Variants in GRK2 observed in about 807,000 individuals in gnomAD.
GRK2 encodes G protein-coupled receptor kinase 2.
In GRK2, 23 loss-of-function variants were observed where a neutral mutation model predicts 97.8. The ratio of observed to expected loss-of-function variants is 0.24; its 90% CI spans 0.17 to 0.33. The LOEUF (loss-of-function observed/expected upper bound fraction) is 0.33, where lower values mean the gene tolerates loss of function less well. GRK2 is among the 10% of genes least tolerant of loss of function. GRK2 has a pLI of 1.00. For missense variants in GRK2, 633 were observed against 956.9 expected (o/e 0.66, Z 4.47); for synonymous variants, 425 against 381.7 (o/e 1.11, Z -1.32).
rs372066211 is a variant in GRK2, at chr11:67,269,046, C to T, written c.113+2234C>T. On this transcript the variant is annotated intron_variant, in intron 1 of 20. Coordinates refer to ENST00000308595, the MANE Select transcript of GRK2 (RefSeq NM_001619.5). This position sits in a 1 kb window ranked among gnomAD's most constrained non-coding sequence, Gnocchi z 4.1. ...TGAAACGGACTGGAGGTGCGAGCGCCGAATGTCAGTGCGCTAAGGCCTGGG... is the reference window on the plus strand; with the variant it reads ...TGAAACGGACTGGAGGTGCGAGCGCTGAATGTCAGTGCGCTAAGGCCTGGG... Among the ~76,000 whole-genome samples the T allele has an allele frequency of 5.7e-4, 87 of 152,340 alleles. No individual in the cohort carries two copies. Among genetic ancestry groups the T allele is most frequent in the African/African-American group, 1.9e-3 (81 of 41,570 alleles).
chr11:67,280,077 T>G (rs1860117171), intron 6 of GRK2, 177 bp downstream of exon 6: 1 of 647,482 alleles, frequency 1.5e-6, no homozygotes, highest in South Asian at 1.8e-5. Flanking sequence ...GCAGGTCATC[T>G]CCCACCCTGC....
In GRK2 at chr11:67,281,994, T is replaced by G; in HGVS notation, c.957+42T>G. ...TCCCCAGGCTGGACCTCCGTGGCTGTCCTCTCCTTCCTCTCGACATCCCGG... is the reference window on the plus strand; with the variant it reads ...TCCCCAGGCTGGACCTCCGTGGCTGGCCTCTCCTTCCTCTCGACATCCCGG... On this transcript the variant is annotated intron_variant, in intron 11 of 20. Transcript: ENST00000308595. This position sits in a 1 kb window ranked among gnomAD's most constrained non-coding sequence, Gnocchi z 5.7. 6.2e-7 allele frequency: 1 copy of G among 1,609,216 alleles called. No homozygotes were observed. The highest frequency in any genetic ancestry group is 1.3e-5 in the African/African-American group (1 of 74,956).
Position 67,286,270 on chromosome 11 carries a change from TG to T in GRK2, c.*824del. On this transcript the variant is annotated 3_prime_UTR_variant, in exon 21 of 21. Coordinates refer to ENST00000308595, the MANE Select transcript of GRK2 (RefSeq NM_001619.5). Reference sequence around the variant, plus strand: ...CGGGCAGCACAGCAAGGAGGCTGGCTGGGGCCTATCAGTGTGCCCCCCATCC... The same window carrying T: ...CGGGCAGCACAGCAAGGAGGCTGGCTGGGCCTATCAGTGTGCCCCCCATCC... The T allele has an allele frequency of 1.6e-6, 1 of 620,622 alleles. No individual in the cohort carries two copies. Among genetic ancestry groups the T allele is most frequent in the Non-Finnish European group, 2.9e-6 (1 of 347,028 alleles). The allele number at this position is 620,622 out of a possible 1,614,324, so 38.4% of individuals were successfully genotyped here. A position where few individuals can be genotyped will look rare whatever the true frequency, so the allele number is the denominator to read the frequency against.
rs758487963 is a variant in GRK2, at chr11:67,286,430, G to A, written c.*980G>A. 3.7e-5 allele frequency: 26 copies of A among 698,840 alleles called. 1 individual carries two copies. The Middle Eastern group carries it at 6.9e-4, about 19-fold the overall frequency. 43.3% of individuals were successfully genotyped at this position (698,840 alleles called of 1,614,324 possible). ...TGTGGTGTCGCGCCTTCTCCCCCCC[G>A]GGGCTGGGTTGGCGCACCCTCCCCT... On this transcript the variant is annotated 3_prime_UTR_variant, in exon 21 of 21. Coordinates refer to ENST00000308595, the MANE Select transcript of GRK2 (RefSeq NM_001619.5).
Position 67,281,391 on chromosome 11 carries a change from C to CG in GRK2, c.648-67dup. On this transcript the variant is annotated intron_variant, in intron 8 of 20. Coordinates refer to ENST00000308595, the MANE Select transcript of GRK2 (RefSeq NM_001619.5). This position sits in a 1 kb window ranked among gnomAD's most constrained non-coding sequence, Gnocchi z 5.7. ...TCCTGGGTCTAGTCTTTCCCTCAAG[C>CG]GCCCCCTGAGGCAGCCCTGGGCCCC... 2.8e-6 allele frequency: 4 copies of CG among 1,430,446 alleles called. No individual in the cohort carries two copies. The highest frequency in any genetic ancestry group is 3.9e-6 in the Non-Finnish European group (4 of 1,019,392). 88.6% of individuals were successfully genotyped at this position (1,430,446 alleles called of 1,614,324 possible).
At position 67,285,896 on chromosome 11, in the gene GRK2, C is replaced by T; in HGVS notation, c.*446C>T. On this transcript the variant is annotated 3_prime_UTR_variant, in exon 21 of 21. Coordinates refer to ENST00000308595, the MANE Select transcript of GRK2 (RefSeq NM_001619.5). Reference sequence around the variant, plus strand: ...TGCAGAGGGGCAGGCCCTGCACTGTCCTGCTCCACAGTGTTGGCGAGAGGA... The same window carrying T: ...TGCAGAGGGGCAGGCCCTGCACTGTTCTGCTCCACAGTGTTGGCGAGAGGA... 4.2e-6 allele frequency: 1 copy of T among 236,480 alleles called. No individual in the cohort carries two copies. Among genetic ancestry groups the T allele is most frequent in the Non-Finnish European group, 8.3e-6 (1 of 120,180 alleles). 14.6% of individuals were successfully genotyped at this position (236,480 alleles called of 1,614,324 possible).
rs956154597 is a variant in GRK2, at chr11:67,283,836, A to G, written c.1396-18A>G. ...CCCCACCCCCGAGCTAATGCCCATGACCCCTGTTCTGCTGCAGTACCCTCC... is the reference window on the plus strand; with the variant it reads ...CCCCACCCCCGAGCTAATGCCCATGGCCCCTGTTCTGCTGCAGTACCCTCC... On this transcript the variant is annotated intron_variant, in intron 16 of 20. Coordinates refer to ENST00000308595, the MANE Select transcript of GRK2 (RefSeq NM_001619.5). The G allele has an allele frequency of 1.2e-6, 2 of 1,612,184 alleles. No homozygotes were observed. Among genetic ancestry groups the G allele is most frequent in the Non-Finnish European group, 8.5e-7 (1 of 1,179,270 alleles).
At chr11:67,277,186 C>A in intron 1 of GRK2, 86 bp from the exon 2 acceptor site, 1 of 1,342,876 alleles carries the variant, frequency 7.4e-7, no homozygotes, top group Non-Finnish European at 1.1e-6. Context: ...GGCGACACCA[C>A]CACAGTGCCC....
Position 67,285,408 on chromosome 11 carries a change from C to T in GRK2, c.2028C>T (p.Ser676=). The part of the protein sequence containing the change: ...NKPRSPVVEL[S]KVPLVQRGSA... ...CGCGCTCGCCCGTGGTGGAGCTGAG[C>T]AAGGTGCCGCTGGTCCAGCGCGGCA... The change falls in exon 21 of 21, where the codon AGC becomes AGT. Residue 676 remains serine, a synonymous_variant. Coordinates refer to ENST00000308595, the MANE Select transcript of GRK2 (RefSeq NM_001619.5). The T allele has an allele frequency of 6.2e-7, 1 of 1,603,746 alleles. No individual in the cohort carries two copies. Among genetic ancestry groups the T allele is most frequent in the Middle Eastern group, 1.9e-4 (1 of 5,228 alleles).
In GRK2 at chr11:67,284,829, C is replaced by T. The variant is rs1236203026; in HGVS notation, c.1655-18C>T. 2 of 1,610,754 alleles carry T rather than the reference C, an allele frequency of 1.2e-6. No homozygotes were observed. The highest frequency in any genetic ancestry group is 1.7e-6 in the Non-Finnish European group (2 of 1,179,318). ...ACCCAGGTGGGGCCGGCTGAGTCTC[C>T]TCTGTCTCTCGCCTCAGACTACGCC... On this transcript the variant is annotated intron_variant, in intron 18 of 20. Transcript: ENST00000308595.
rs926039367 is a variant in GRK2, at chr11:67,283,514, T to C, written c.1329-193T>C. On this transcript the variant is annotated intron_variant, in intron 15 of 20. Coordinates refer to ENST00000308595, the MANE Select transcript of GRK2 (RefSeq NM_001619.5). ...CATTTATTAAGCACTGGGCATAGGG[T>C]TGCAAAATTTACCAGTGTTAAAACC... 1.0e-4 allele frequency: 66 copies of C among 631,860 alleles called. 4 individuals carry two copies. Among genetic ancestry groups the C allele is most frequent in the South Asian group, 5.5e-4 (29 of 52,822 alleles). 39.1% of individuals were successfully genotyped at this position (631,860 alleles called of 1,614,324 possible).
At position 67,281,163 on chromosome 11, in the gene GRK2, G is replaced by A. The variant is rs774914090; in HGVS notation, c.626G>A (p.Arg209Gln). 1.2e-6 allele frequency: 2 copies of A among 1,613,266 alleles called. No individual in the cohort carries two copies. The highest frequency in any genetic ancestry group is 2.2e-5 in the East Asian group (1 of 44,866). Residue 209 changes from arginine (R) to glutamine (Q), a missense_variant, in exon 8 of 21, where the codon CGG becomes CAG. Around this residue, in one of 4 missense-constraint regions of GRK2, gnomAD observed 192 missense variants for 362.3 expected, o/e 0.53. Coordinates refer to ENST00000308595, the MANE Select transcript of GRK2 (RefSeq NM_001619.5). This position sits in a 1 kb window ranked among gnomAD's most constrained non-coding sequence, Gnocchi z 5.7. The stretch of plus-strand genomic sequence containing the variant: ...GGCTTTGGCGAGGTCTATGGGTGCC[G>A]GAAGGCTGACACAGGCAAGATGTGA... ...RGGFGEVYGCRKADTGKMYAM... is the reference protein window; with the variant it reads ...RGGFGEVYGCQKADTGKMYAM...
chr11:67,282,803 C>A lies in GRK2; in HGVS notation c.1212C>A (p.Arg404=). The A allele has an allele frequency of 6.2e-7, 1 of 1,610,120 alleles. No individual in the cohort carries two copies. The highest frequency in any genetic ancestry group is 8.5e-7 in the Non-Finnish European group (1 of 1,179,796). The change falls in exon 14 of 21, where the codon CGC becomes CGA. Residue 404 remains arginine (R), a synonymous_variant. Coordinates refer to ENST00000308595, the MANE Select transcript of GRK2 (RefSeq NM_001619.5). This position sits in a 1 kb window ranked among gnomAD's most constrained non-coding sequence, Gnocchi z 6.9. ...HKTKDKHEID[R]MTLTMAVELP... is the part of the protein sequence containing the mutation. Reference sequence around the variant, plus strand: ...CCAAAGACAAGCATGAGATCGACCGCATGACGCTGACGATGGTGGGTGCAG... The same window carrying A: ...CCAAAGACAAGCATGAGATCGACCGAATGACGCTGACGATGGTGGGTGCAG...
intron 1 of GRK2, among the ~76,000 whole-genome samples, chr11:67,267,842 T>C (rs898371569): frequency 3.9e-5 from 6 of 152,166 alleles, no homozygotes; most frequent in Non-Finnish European, 8.8e-5. Flanking sequence ...AAACTGAAGC[T>C]CCAGAGGTGA....
intron 1 of GRK2, among the ~76,000 whole-genome samples, chr11:67,271,923 C>CCCT: frequency 6.6e-6 from 1 of 152,330 alleles, no homozygotes; most frequent in African/African-American, 2.4e-5. Flanking sequence ...GGGAGCACCT[C>CCCT]GGCCACAGCC....
At position 67,281,870 on chromosome 11, in the gene GRK2, C is replaced by G. The variant is rs1342751351; in HGVS notation, c.875C>G (p.Ala292Gly). Reference protein sequence around the residue: ...HLSQHGVFSEADMRFYAAEII... With the variant: ...HLSQHGVFSEGDMRFYAAEII... ...TCCCAGCACGGGGTCTTCTCAGAGG[C>G]TGACATGCGCTTCTATGCGGCCGAG... is the stretch of plus-strand genomic sequence containing the variant. The change falls in exon 11 of 21, where the codon GCT becomes GGT. Residue 292 changes from alanine (A) to glycine (G), a missense_variant. Coordinates refer to ENST00000308595, the MANE Select transcript of GRK2 (RefSeq NM_001619.5). This position sits in a 1 kb window ranked among gnomAD's most constrained non-coding sequence, Gnocchi z 5.7. 1 of 1,613,606 alleles carries G rather than the reference C, an allele frequency of 6.2e-7. No individual in the cohort carries two copies. Among genetic ancestry groups the G allele is most frequent in the African/African-American group, 1.3e-5 (1 of 74,892 alleles).
In GRK2 at chr11:67,266,511, C is replaced by G. The variant is rs1435113988; in HGVS notation, c.-189C>G. 6.9e-6 allele frequency: 1 copy of G among 144,168 alleles called. No homozygotes were observed. Among genetic ancestry groups the G allele is most frequent in the African/African-American group, 2.5e-5 (1 of 39,982 alleles). 8.9% of individuals were successfully genotyped at this position (144,168 alleles called of 1,614,324 possible). A position where few individuals can be genotyped will look rare whatever the true frequency, so the allele number is the denominator to read the frequency against. On this transcript the variant is annotated 5_prime_UTR_variant, in exon 1 of 21. Transcript: ENST00000308595. ...GCGGAGCGCGAGCCGGGGCCGGGCC[C>G]GAGCCGGCGCCATGGGGCGGCGCCG...
intron 17 of GRK2, 29 bp downstream of exon 17, chr11:67,283,978 C>T (rs1228307355): frequency 6.4e-7 from 1 of 1,564,844 alleles, no homozygotes; most frequent in Non-Finnish European, 8.7e-7. Context: ...CCTCTTGTAC[C>T]TAGGCTGTGA....
At chr11:67,268,542 A>G (rs1401034705) in intron 1 of GRK2, among the ~76,000 whole-genome samples, 2 of 152,156 alleles carry the variant, frequency 1.3e-5, no homozygotes, top group African/African-American at 4.8e-5. Flanking sequence ...TGGTGGCTGC[A>G]GCCTCGAGAC....
Sources: allele counts gnomAD v4.1 joint callset (sites outside exome capture counted in the v4.1 genomes callset), GRCh38; gene constraint gnomAD v4.1.1; regional missense constraint gnomAD v4.1.1; non-coding constraint Gnocchi (gnomAD v3.1); transcripts MANE v1.5; gene names NCBI Gene and HGNC (gene_info 2026-07-23, HGNC 2026-07-21).